MAST4: variants seen among roughly 807,000 people sequenced by gnomAD.
The protein encoded by MAST4 is microtubule-associated serine/threonine-protein kinase 4.
In MAST4, 89 loss-of-function variants were observed where a neutral mutation model predicts 162.7. That is an observed-to-expected ratio of 0.55 (90% CI 0.46 to 0.65). MAST4 has a LOEUF of 0.65. MAST4 is among the 30% of genes least tolerant of loss of function. The pLI is 0.00. For missense variants in MAST4, 3,153 were observed against 3,374.0 expected (o/e 0.93, Z 1.62); for synonymous variants, 1,479 against 1,361.1 (o/e 1.09, Z -1.91).
At chr5:67,156,759 G>T (rs1354798546) in intron 26 of MAST4, among the ~76,000 whole-genome samples, 2 of 152,206 alleles carry the variant, frequency 1.3e-5, no homozygotes, top group Admixed American at 1.3e-4. Flanking sequence ...AGGGGTTGAG[G>T]CCGCAGGGAT....
At chr5:66,777,497 ATAG>A (rs1754657544) in intron 2 of MAST4, among the ~76,000 whole-genome samples, 3 of 152,268 alleles carry the variant, frequency 2.0e-5, no homozygotes, top group South Asian at 4.2e-4. Flanking sequence ...TGGATACATG[ATAG>A]TAGTCAGGGT....
At chr5:66,991,492 G>A (rs1050685231) in intron 4 of MAST4, among the ~76,000 whole-genome samples, 1 of 152,094 alleles carries the variant, frequency 6.6e-6, no homozygotes, top group African/African-American at 2.4e-5. Flanking sequence ...TGTGCAGCAG[G>A]CTTCACTCCA....
chr5:66,598,696 A>G (rs564515109), intron 1 of MAST4, among the ~76,000 whole-genome samples: 1 of 152,298 alleles, frequency 6.6e-6, no homozygotes, highest in East Asian at 1.9e-4. Context: ...TGATTCACCA[A>G]TAGTTCCTAA....
intron 5 of MAST4, among the ~76,000 whole-genome samples, chr5:67,060,221 C>T (rs967096337): frequency 6.6e-6 from 1 of 152,168 alleles, no homozygotes; most frequent in Non-Finnish European, 1.5e-5. Flanking sequence ...CCTTGCGCTT[C>T]AGCTATATCA....
chr5:66,710,493 C>T (rs76631515), intron 1 of MAST4, among the ~76,000 whole-genome samples: 75 of 152,184 alleles, frequency 4.9e-4, no homozygotes, highest in Non-Finnish European at 8.7e-4. Context: ...GGTCTATAGA[C>T]GCACGTTACA....
At chr5:66,808,766 C>G (rs1326290568) in intron 3 of MAST4, among the ~76,000 whole-genome samples, 1 of 152,160 alleles carries the variant, frequency 6.6e-6, no homozygotes, top group Non-Finnish European at 1.5e-5. Flanking sequence ...CACATTTTCT[C>G]TGCCTTACCT....
intron 4 of MAST4, among the ~76,000 whole-genome samples, chr5:66,953,216 C>T (rs1302058517): frequency 6.6e-6 from 1 of 152,022 alleles, no homozygotes; most frequent in Non-Finnish European, 1.5e-5. Flanking sequence ...ACACGATTGC[C>T]CTAAGATTTT....
At chr5:67,019,129 A>G (rs1326588788) in intron 4 of MAST4, among the ~76,000 whole-genome samples, 5 of 152,204 alleles carry the variant, frequency 3.3e-5, no homozygotes, top group Non-Finnish European at 7.3e-5. Context: ...CAATGGTAAG[A>G]TTTCTAGAAA....
chr5:66,932,573 A>C (rs1742299248), intron 4 of MAST4, among the ~76,000 whole-genome samples: 1 of 152,190 alleles, frequency 6.6e-6, no homozygotes, highest in Non-Finnish European at 1.5e-5. Context: ...TGCATGGCTG[A>C]TTCTTATTTA....
rs1240866746 is a variant in MAST4, at chr5:66,815,379, C to T, written c.642+26585C>T. On this transcript the variant is annotated intron_variant, in intron 3 of 28. Transcript: ENST00000403625. The stretch of plus-strand genomic sequence containing the variant: ...ACAGTATTTTGACAGATTACATTCA[C>T]ATGACTTTTATTACAGCATAGTTAT... Among the ~76,000 whole-genome samples, 32 of 152,186 alleles carry T rather than the reference C, an allele frequency of 2.1e-4. 1 individual carries two copies. The highest frequency in any genetic ancestry group is 1.6e-4 in the Non-Finnish European group (11 of 68,022).
chr5:66,891,904 T>C (rs1762387661), intron 3 of MAST4, among the ~76,000 whole-genome samples: 1 of 152,232 alleles, frequency 6.6e-6, no homozygotes, highest in Non-Finnish European at 1.5e-5. Flanking sequence ...CAAGGGTAGA[T>C]GTATTGTTTC....
intron 6 of MAST4, among the ~76,000 whole-genome samples, chr5:67,091,358 A>G (rs1360725898): frequency 1.3e-5 from 2 of 152,184 alleles, no homozygotes; most frequent in African/African-American, 2.4e-5. Context: ...GCCTTTATGT[A>G]TCTCACCATG....
At chr5:66,816,461 G>T (rs770970870) in intron 3 of MAST4, among the ~76,000 whole-genome samples, 1 of 152,130 alleles carries the variant, frequency 6.6e-6, no homozygotes, top group Non-Finnish European at 1.5e-5. Context: ...AACATAGTAG[G>T]AAAGTCTTTT....
chr5:66,871,813 A>C (rs1760949456), intron 3 of MAST4, among the ~76,000 whole-genome samples: 1 of 152,234 alleles, frequency 6.6e-6, no homozygotes, highest in Admixed American at 6.5e-5. Context: ...GTTGCTGGAC[A>C]TAAGGCCATT....
intron 3 of MAST4, among the ~76,000 whole-genome samples, chr5:66,834,243 A>G (rs1278395119): frequency 2.6e-5 from 4 of 152,200 alleles, no homozygotes; most frequent in Admixed American, 6.5e-5. Context: ...ACCAGGAGCT[A>G]GAAGTGACAG....
intron 4 of MAST4, among the ~76,000 whole-genome samples, chr5:66,937,796 A>C (rs1230821200): frequency 6.6e-6 from 1 of 151,528 alleles, no homozygotes; most frequent in African/African-American, 2.4e-5. Flanking sequence ...GTGGCATCTA[A>C]TTTTTTCTTC....
In MAST4 at chr5:67,049,023, G is replaced by GTATATATATATACACGTATATATATATA. The variant is rs1554087410; in HGVS notation, c.675-5369_675-5368insCACGTATATATATATATATATATATATA. Among the ~76,000 whole-genome samples, 121 of 85,228 alleles carry GTATATATATATACACGTATATATATATA rather than the reference G, an allele frequency of 1.4e-3. 1 individual carries two copies. The highest frequency in any genetic ancestry group is 2.3e-3 in the Non-Finnish European group (99 of 42,642). 55.9% of individuals were successfully genotyped at this position (85,228 alleles called of 152,430 possible). On this transcript the variant is annotated intron_variant, in intron 4 of 28. Transcript: ENST00000403625. ...TATACACACACATATATATATATACGTATATATATATATATATACGTGTAT... is the reference window on the plus strand; with the variant it reads ...TATACACACACATATATATATATACGTATATATATATACACGTATATATATATATATATATATATATATATACGTGTAT...
chr5:67,066,704 C>A (rs975633746), intron 5 of MAST4, among the ~76,000 whole-genome samples: 4 of 152,100 alleles, frequency 2.6e-5, no homozygotes, highest in African/African-American at 9.7e-5. Flanking sequence ...TCTTTGTGAT[C>A]AACTCTGATT....
At chr5:67,162,522 T>C (rs1773308261) in intron 27 of MAST4, 85 bp from the exon 28 acceptor site, 1 of 1,246,544 alleles carries the variant, frequency 8.0e-7, no homozygotes, top group Non-Finnish European at 1.2e-6. Flanking sequence ...TCACACGGAG[T>C]TATTGAGCTG....
Sources: gnomAD v4.1 joint callset for allele counts (sites outside exome capture counted in the v4.1 genomes callset) on GRCh38, gnomAD v4.1.1 for gene constraint, MANE v1.5 for transcripts, NCBI Gene and HGNC (gene_info 2026-07-23, HGNC 2026-07-21) for gene names.